Variants in LPAR1 observed in about 807,000 individuals in gnomAD.
LPAR1 encodes LPA receptor 1.
LPAR1 carries 5 observed loss-of-function variants against 23.8 expected under a neutral mutation model. That is an observed-to-expected ratio of 0.21 (90% CI 0.11 to 0.44). LPAR1 has a LOEUF of 0.44. LPAR1 is among the 20% of genes least tolerant of loss of function. The pLI is 0.99. For synonymous variants in LPAR1, 160 were observed against 164.7 expected, an observed-to-expected ratio of 0.97 and a Z score of 0.22; for missense variants, 311 against 482.8, an observed-to-expected ratio of 0.64 and a Z score of 3.33.
chr9:110,906,943 GATT>G (rs879281864), intron 5 of LPAR1, among the ~76,000 whole-genome samples: 5,672 of 152,116 alleles, frequency 0.037, 171 homozygotes, highest in Non-Finnish European at 0.046. Context: ...ATGCAAAAGG[GATT>G]CAGATTAACA....
At chr9:110,973,913 G>A (rs1410439688) in intron 2 of LPAR1, among the ~76,000 whole-genome samples, 1 of 152,204 alleles carries the variant, frequency 6.6e-6, no homozygotes, top group Non-Finnish European at 1.5e-5. Flanking sequence ...GCTCAGGCCT[G>A]TAATCTCAAA....
In LPAR1 at chr9:110,941,878, A is replaced by G. The variant is rs1564116544; in HGVS notation, c.336T>C (p.Asn112=). 1.9e-6 allele frequency: 3 copies of G among 1,614,164 alleles called. No individual in the cohort carries two copies. The Admixed American group carries it at 5.0e-5, about 27-fold the overall frequency. ...YFYLMFNTGP[N]TRRLTVSTWL... is the part of the protein sequence containing the mutation. ...ATGTGCTAACAGTCAGTCTCCGAGT[A>G]TTGGGTCCTGTGTTGAACATGAGAT... The change falls in exon 5 of 6, where the codon AAT becomes AAC. Residue 112 remains asparagine, a synonymous_variant. Coordinates refer to ENST00000683809, the MANE Select transcript of LPAR1 (RefSeq NM_001351411.2). The surrounding 1 kb of genome is among the most constrained non-coding windows in gnomAD (Gnocchi z 6.1).
intron 4 of LPAR1, among the ~76,000 whole-genome samples, chr9:110,952,612 T>C (rs988202554): frequency 6.6e-6 from 1 of 152,140 alleles, no homozygotes; most frequent in Non-Finnish European, 1.5e-5. Context: ...AAAAGTGCCC[T>C]GAGGAAAGGC....
At chr9:110,930,401 C>T (rs1588387608) in intron 5 of LPAR1, among the ~76,000 whole-genome samples, 2 of 151,550 alleles carry the variant, frequency 1.3e-5, no homozygotes, top group African/African-American at 4.9e-5. Context: ...CCCAGCTGCT[C>T]GGGAGGCTGA....
intron 5 of LPAR1, among the ~76,000 whole-genome samples, chr9:110,912,295 T>C (rs2092555108): frequency 6.6e-6 from 1 of 152,192 alleles, no homozygotes; most frequent in Admixed American, 6.5e-5. Flanking sequence ...ATTGTGCAAC[T>C]TGTGAGCTTG....
intron 5 of LPAR1, among the ~76,000 whole-genome samples, chr9:110,886,267 G>A (rs773415923): frequency 8.6e-5 from 13 of 151,156 alleles, no homozygotes; most frequent in Non-Finnish European, 1.8e-4. Flanking sequence ...AGGAGGCTGA[G>A]GCAGAAGAAT....
chr9:111,009,753 T>A (rs2097291621), intron 2 of LPAR1, among the ~76,000 whole-genome samples: 1 of 151,780 alleles, frequency 6.6e-6, no homozygotes, highest in Admixed American at 6.6e-5. Context: ...TAACAGCTGC[T>A]ATTTCTAGTT....
rs146284886 is a variant in LPAR1, at chr9:110,937,376, T to C, written c.793+4045A>G. 8.8e-3 allele frequency among the ~76,000 whole-genome samples: 1,342 copies of C among 152,290 alleles called. 21 individuals carry two copies. Among genetic ancestry groups the C allele is most frequent in the African/African-American group, 0.03 (1,232 of 41,562 alleles). On this transcript the variant is annotated intron_variant, in intron 5 of 5. Coordinates refer to ENST00000683809, the MANE Select transcript of LPAR1 (RefSeq NM_001351411.2). ...GAATAACATGGAGGGGACAAACACATGGGTTCTGAAACCCAAGTGCCCAAC... is the reference window on the plus strand; with the variant it reads ...GAATAACATGGAGGGGACAAACACACGGGTTCTGAAACCCAAGTGCCCAAC...
At chr9:110,930,102 G>A (rs1029176341) in intron 5 of LPAR1, among the ~76,000 whole-genome samples, 16 of 152,086 alleles carry the variant, frequency 1.1e-4, no homozygotes, top group African/African-American at 3.6e-4. Context: ...TTATATTCTC[G>A]TTATGTTTCA....
At chr9:110,944,229 A>G (rs1248763285) in intron 4 of LPAR1, among the ~76,000 whole-genome samples, 1 of 152,160 alleles carries the variant, frequency 6.6e-6, no homozygotes, top group Non-Finnish European at 1.5e-5. Flanking sequence ...GGTCCAGGGA[A>G]TCACTGTATC....
upstream of LPAR1, chr9:111,038,474 C>T (rs140598814): frequency 2.2e-3 from 804 of 371,600 alleles, 3 homozygotes; most frequent in African/African-American, 0.016. The surrounding 1 kb of genome is among the most constrained non-coding windows in gnomAD (Gnocchi z 4.4). Flanking sequence ...CCCTACTGCC[C>T]GGCTTTGGCG....
At chr9:111,004,418 C>T (rs2097178481) in intron 2 of LPAR1, among the ~76,000 whole-genome samples, 1 of 152,112 alleles carries the variant, frequency 6.6e-6, no homozygotes, top group African/African-American at 2.4e-5. Context: ...TTTCAAGGCC[C>T]AGGATACTGA....
rs1319352020 is a variant in LPAR1, at chr9:110,942,077, T to C, written c.137A>G (p.Asn46Ser). 6.2e-7 allele frequency: 1 copy of C among 1,614,066 alleles called. No individual in the cohort carries two copies. The highest frequency in any genetic ancestry group is 1.3e-5 in the African/African-American group (1 of 74,928). The change falls in exon 5 of 6, where the codon AAC (asparagine) becomes AGC (serine). Residue 46 changes from asparagine to serine, a missense_variant. Coordinates refer to ENST00000683809, the MANE Select transcript of LPAR1 (RefSeq NM_001351411.2). ...RSGKHLATEW[N>S]TVSKLVMGLG... ...TCCCATCACCAGCTTGCTGACTGTG[T>C]TCCATTCTGTGGCAAGATGCTTTCC...
chr9:111,009,661 A>G (rs932150258), intron 2 of LPAR1, among the ~76,000 whole-genome samples: 1 of 151,964 alleles, frequency 6.6e-6, no homozygotes, highest in Non-Finnish European at 1.5e-5. Flanking sequence ...TAGTAAAAAA[A>G]GTTATTTAAA....
At chr9:110,946,679 TACAC>T (rs58390932) in intron 4 of LPAR1, among the ~76,000 whole-genome samples, 1 of 150,640 alleles carries the variant, frequency 6.6e-6, no homozygotes, top group Non-Finnish European at 1.5e-5. Flanking sequence ...AAAAAATAAA[TACAC>T]ACACACACAC....
At chr9:111,031,163 C>T (rs1158086692) in intron 2 of LPAR1, among the ~76,000 whole-genome samples, 1 of 152,004 alleles carries the variant, frequency 6.6e-6, no homozygotes, top group Non-Finnish European at 1.5e-5. Flanking sequence ...GCTACCCTCT[C>T]CTGGTTGGGA....
chr9:110,912,852 T>A (rs527279048), intron 5 of LPAR1, among the ~76,000 whole-genome samples: 1 of 152,146 alleles, frequency 6.6e-6, no homozygotes, highest in Non-Finnish European at 1.5e-5. Flanking sequence ...AGGATGCTAA[T>A]CTTGCCTCTC....
chr9:111,021,413 G>A (rs1054677747), intron 2 of LPAR1, among the ~76,000 whole-genome samples: 1 of 152,098 alleles, frequency 6.6e-6, no homozygotes, highest in Non-Finnish European at 1.5e-5. Context: ...TAAACTTGGT[G>A]TAGTCATTAA....
At chr9:110,955,175 C>G (rs574654511) in intron 4 of LPAR1, among the ~76,000 whole-genome samples, 11 of 152,164 alleles carry the variant, frequency 7.2e-5, no homozygotes, top group African/African-American at 2.7e-4. Flanking sequence ...TCCAACTATA[C>G]TGTTACCCAC....
Sources: allele counts gnomAD v4.1 joint callset (sites outside exome capture counted in the v4.1 genomes callset), GRCh38; gene constraint gnomAD v4.1.1; non-coding constraint Gnocchi (gnomAD v3.1); transcripts MANE v1.5; gene names NCBI Gene and HGNC (gene_info 2026-07-23, HGNC 2026-07-21).